The following NRXN1 variants were observed in gnomAD, a reference collection of about 807,000 sequenced individuals.
NRXN1 encodes the protein neurexin 1.
In NRXN1, 39 loss-of-function variants were observed where a neutral mutation model predicts 150.9. The observed-to-expected ratio is 0.26, with a 90% confidence interval of 0.20 to 0.34. NRXN1 has a LOEUF of 0.34. Ranked by LOEUF, NRXN1 falls within the 10% of genes least tolerant of loss-of-function variation. The probability of loss-of-function intolerance (pLI) is 1.00; values close to 1 mark genes in which losing one functional copy is unlikely to be tolerated. For missense variants in NRXN1, 1,815 were observed against 1,949.9 expected, an observed-to-expected ratio of 0.93 and a Z score of 1.30; for synonymous variants, 924 against 757.0, an observed-to-expected ratio of 1.22 and a Z score of -3.62.
chr2:51,031,414 C>T (rs77576657), intron 1 of NRXN1, among the ~76,000 whole-genome samples: 1 of 152,120 alleles, frequency 6.6e-6, no homozygotes, highest in East Asian at 1.9e-4. Context: ...CACACATACA[C>T]ACCTACACCT....
At chr2:50,583,506 T>C (rs1225551792) in intron 8 of NRXN1, among the ~76,000 whole-genome samples, 1 of 152,182 alleles carries the variant, frequency 6.6e-6, no homozygotes, top group East Asian at 1.9e-4. Context: ...TACCTGCCAG[T>C]TTCCACAAGG....
rs1335538985 is a variant in NRXN1, at chr2:50,438,008, C to T, written c.3364+27434G>A. ...ACCTCAGTTATCACTTCACAGCAGA[C>T]TCACTGTGGCATGTTCTAAGTTCTA... On this transcript the variant is annotated intron_variant, in intron 17 of 22. Coordinates refer to ENST00000401669, the MANE Select transcript of NRXN1 (RefSeq NM_001330078.2). Among the ~76,000 whole-genome samples the T allele has an allele frequency of 2.6e-5, 4 of 152,180 alleles. No homozygotes were observed. In the South Asian group the frequency reaches 6.2e-4, roughly 24 times the overall value.
At chr2:50,250,040 T>C (rs2066897069) in intron 17 of NRXN1, among the ~76,000 whole-genome samples, 1 of 152,180 alleles carries the variant, frequency 6.6e-6, no homozygotes, top group African/African-American at 2.4e-5. Flanking sequence ...CTTTACTGAC[T>C]GACTTGCTTT....
intron 17 of NRXN1, among the ~76,000 whole-genome samples, chr2:50,449,115 A>G (rs768034581): frequency 1.5e-4 from 23 of 152,218 alleles, no homozygotes; most frequent in African/African-American, 4.3e-4. Flanking sequence ...CAAATTCACA[A>G]TAAATCTTTG....
At chr2:50,456,553 G>A (rs1029579699) in intron 17 of NRXN1, among the ~76,000 whole-genome samples, 1 of 152,030 alleles carries the variant, frequency 6.6e-6, no homozygotes, top group Non-Finnish European at 1.5e-5. Flanking sequence ...CTTTGTTCAG[G>A]GAAGCAAAAG....
At chr2:50,670,793 T>C (rs1326435755) in intron 5 of NRXN1, among the ~76,000 whole-genome samples, 1 of 152,064 alleles carries the variant, frequency 6.6e-6, no homozygotes, top group East Asian at 1.9e-4. Context: ...TGATATTTTC[T>C]CATTATTAGA....
chr2:50,615,915 A>G (rs980050842), intron 8 of NRXN1: 38 of 152,308 alleles, frequency 2.5e-4, no homozygotes, highest in Non-Finnish European at 8.8e-5. Flanking sequence ...GCTCTTACTC[A>G]GTGTTATCAA....
Position 50,149,237 on chromosome 2 carries a change from C to T in NRXN1, c.3547-57743G>A, listed in dbSNP as rs140060475. ...ATGGAATCCATTTTATATCCATTTG[C>T]GCTGCCTGCTTATGAAAGGAATAAA... On this transcript the variant is annotated intron_variant, in intron 18 of 22. Coordinates refer to ENST00000401669, the MANE Select transcript of NRXN1 (RefSeq NM_001330078.2). 1.4e-3 allele frequency among the ~76,000 whole-genome samples: 205 copies of T among 151,720 alleles called. 2 individuals are homozygous for T. The East Asian group carries it at 0.027, about 20-fold the overall frequency.
intron 5 of NRXN1, among the ~76,000 whole-genome samples, chr2:50,855,562 G>A (rs1232394114): frequency 6.6e-6 from 1 of 152,038 alleles, no homozygotes; most frequent in Admixed American, 6.6e-5. Flanking sequence ...ATGTGCCAGA[G>A]GTTGAGAAAT....
chr2:50,237,008 A>C (rs770780698), intron 17 of NRXN1, 38 bp from the exon 18 acceptor site: 1 of 1,599,236 alleles, frequency 6.3e-7, no homozygotes, highest in Admixed American at 1.7e-5. Flanking sequence ...GTCCAAATAC[A>C]TCAAGTCTGC....
At chr2:50,167,649 A>G (rs2059769736) in intron 18 of NRXN1, among the ~76,000 whole-genome samples, 1 of 152,186 alleles carries the variant, frequency 6.6e-6, no homozygotes, top group South Asian at 2.1e-4. Flanking sequence ...ACCTGGATTT[A>G]CAACTCTTTT....
chr2:50,878,088 G>A (rs961461250), intron 5 of NRXN1, among the ~76,000 whole-genome samples: 6 of 152,022 alleles, frequency 3.9e-5, no homozygotes, highest in African/African-American at 1.2e-4. Flanking sequence ...GTGGCTGTGA[G>A]AAGGAACACA....
chr2:50,688,915 C>T (rs2104859536), intron 5 of NRXN1, among the ~76,000 whole-genome samples: 1 of 152,208 alleles, frequency 6.6e-6, no homozygotes, highest in Non-Finnish European at 1.5e-5. Context: ...TTTTTTGTTG[C>T]ATCACACTAA....
At chr2:49,933,400 C>T (rs1347218687) in intron 22 of NRXN1, among the ~76,000 whole-genome samples, 1 of 152,132 alleles carries the variant, frequency 6.6e-6, no homozygotes, top group Admixed American at 6.5e-5. Context: ...GGTATATTTT[C>T]TAAGCAGTTG....
At chr2:50,765,085 A>G (rs531396827) in intron 5 of NRXN1, among the ~76,000 whole-genome samples, 9 of 152,158 alleles carry the variant, frequency 5.9e-5, no homozygotes, top group African/African-American at 2.2e-4. Context: ...ACCAGCTCCT[A>G]TGGAAACTAC....
intron 17 of NRXN1, among the ~76,000 whole-genome samples, chr2:50,271,067 T>C: frequency 6.6e-6 from 1 of 152,174 alleles, no homozygotes; most frequent in African/African-American, 2.4e-5. Flanking sequence ...ATAACATAAA[T>C]GAAAACAATT....
intron 18 of NRXN1, among the ~76,000 whole-genome samples, chr2:50,171,706 A>G (rs1008099929): frequency 6.6e-6 from 1 of 152,186 alleles, no homozygotes; most frequent in Non-Finnish European, 1.5e-5. Flanking sequence ...TTATTAGAAG[A>G]ATGTTAAAGA....
At chr2:49,952,412 G>A (rs934597446) in intron 21 of NRXN1, among the ~76,000 whole-genome samples, 2 of 151,910 alleles carry the variant, frequency 1.3e-5, no homozygotes, top group African/African-American at 4.8e-5. Context: ...CACTAAAAGG[G>A]GAGCACAATT....
intron 17 of NRXN1, among the ~76,000 whole-genome samples, chr2:50,314,813 G>A (rs1030118334): frequency 5.9e-5 from 9 of 151,962 alleles, no homozygotes; most frequent in Non-Finnish European, 2.9e-5. Flanking sequence ...TTATAATGAT[G>A]TTCACTTCTA....
Sources: allele counts gnomAD v4.1 joint callset (sites outside exome capture counted in the v4.1 genomes callset), GRCh38; gene constraint gnomAD v4.1.1; transcripts MANE v1.5; gene names NCBI Gene and HGNC (gene_info 2026-07-23, HGNC 2026-07-21).